PRKCD: variants seen among roughly 807,000 people sequenced by gnomAD.
The protein encoded by PRKCD is protein kinase C delta type.
Under a neutral mutation model 82.2 loss-of-function variants are expected in PRKCD, and 20 were observed. The observed-to-expected ratio is 0.24, with a 90% CI of 0.17 to 0.35. The LOEUF is 0.35. Among genes scored for constraint, PRKCD ranks in the 10% least tolerant of loss-of-function variants. The probability of loss-of-function intolerance (pLI) is 1.00; values close to 1 mark genes in which losing one functional copy is unlikely to be tolerated. For missense variants in PRKCD, 607 were observed against 899.0 expected (o/e 0.68, Z 4.15); for synonymous variants, 317 against 337.0 (o/e 0.94, Z 0.65).
intron 7 of PRKCD, among the ~76,000 whole-genome samples, chr3:53,182,894 G>A (rs958790101): frequency 6.6e-6 from 1 of 152,190 alleles, no homozygotes; most frequent in Non-Finnish European, 1.5e-5. Context: ...TTCTTTCTAA[G>A]CCCCTGCAGA....
intron 1 of PRKCD, among the ~76,000 whole-genome samples, chr3:53,162,106 C>G: frequency 6.6e-6 from 1 of 151,998 alleles, no homozygotes; most frequent in Non-Finnish European, 1.5e-5. Flanking sequence ...TCATCCGTCT[C>G]TGGGCTGGGC....
At chr3:53,178,006 T>TGC (rs760022887) in intron 2 of PRKCD, among the ~76,000 whole-genome samples, 63 of 148,784 alleles carry the variant, frequency 4.2e-4, no homozygotes, top group Non-Finnish European at 7.6e-4. Context: ...AGTGTACTGG[T>TGC]GCGATCTTGG....
chr3:53,185,369 G>C (rs541054790), intron 10 of PRKCD, among the ~76,000 whole-genome samples: 1 of 152,336 alleles, frequency 6.6e-6, no homozygotes, highest in East Asian at 1.9e-4. Flanking sequence ...GGGAAGGTAG[G>C]GTTCCGTTTA....
chr3:53,186,941 C>T (rs782786712), intron 14 of PRKCD, among the ~76,000 whole-genome samples: 4 of 152,228 alleles, frequency 2.6e-5, no homozygotes, highest in Admixed American at 6.5e-5. Context: ...CCGTGGGCCA[C>T]AGCCAGGGCA....
intron 2 of PRKCD, 94 bp from the exon 3 acceptor site, chr3:53,178,310 G>A: frequency 1.4e-6 from 1 of 718,160 alleles, no homozygotes; most frequent in South Asian, 1.7e-5. Context: ...CCCAATCATA[G>A]CAGAGCCCTG....
In PRKCD at chr3:53,179,444, G is replaced by A. The variant is rs1553666667; in HGVS notation, c.116-133G>A. The A allele has an allele frequency of 3.4e-6, 4 of 1,169,924 alleles. No homozygotes were observed. The African/African-American group carries it at 6.0e-5, about 18-fold the overall frequency. The allele number at this position is 1,169,924 out of a possible 1,614,324, so 72.5% of individuals were successfully genotyped here. On this transcript the variant is annotated intron_variant, in intron 3 of 18. Coordinates refer to ENST00000330452, the MANE Select transcript of PRKCD (RefSeq NM_006254.4). ...GCCCAAGGTAGTTCTGTGCTCTAGAGGACACTGGGGAACCACAGCAGGCCC... is the reference window on the plus strand; with the variant it reads ...GCCCAAGGTAGTTCTGTGCTCTAGAAGACACTGGGGAACCACAGCAGGCCC...
intron 4 of PRKCD, 141 bp downstream of exon 4, chr3:53,179,917 G>T (rs1378677107): frequency 2.0e-6 from 2 of 1,002,762 alleles, no homozygotes; most frequent in East Asian, 2.6e-5. Context: ...CTGGCCACCA[G>T]TCCAGCCCTG....
At chr3:53,186,094 G>A in intron 12 of PRKCD, 67 bp downstream of exon 12, 3 of 1,609,232 alleles carry the variant, frequency 1.9e-6, no homozygotes, top group Non-Finnish European at 2.5e-6. Context: ...AGGTGGCTGA[G>A]GTGGGAGTCT....
At chr3:53,191,250 C>CA (rs1285533960) in intron 18 of PRKCD, among the ~76,000 whole-genome samples, 4 of 151,724 alleles carry the variant, frequency 2.6e-5, no homozygotes, top group East Asian at 3.9e-4. Flanking sequence ...ACAAAAAATA[C>CA]AAAAAAAATT....
In PRKCD at chr3:53,192,304, C is replaced by G; in HGVS notation, c.*38C>G. The G allele has an allele frequency of 6.2e-7, 1 of 1,604,634 alleles. No individual in the cohort carries two copies. Among genetic ancestry groups the G allele is most frequent in the African/African-American group, 1.3e-5 (1 of 74,758 alleles). ...GATCAGGCTAGCCCTGCCCTCCACC[C>G]ACACCTGCCCGCTCCCCACGATAAG... On this transcript the variant is annotated 3_prime_UTR_variant, in exon 19 of 19. Coordinates refer to ENST00000330452, the MANE Select transcript of PRKCD (RefSeq NM_006254.4).
chr3:53,186,772 C>T (rs1703713124), intron 14 of PRKCD, 77 bp downstream of exon 14: 1 of 1,384,226 alleles, frequency 7.2e-7, no homozygotes, highest in African/African-American at 1.4e-5. Flanking sequence ...CCAGTCTGCC[C>T]TCCATGCCTT....
At chr3:53,188,052 G>A (rs929236438) in intron 15 of PRKCD, among the ~76,000 whole-genome samples, 1 of 152,010 alleles carries the variant, frequency 6.6e-6, no homozygotes, top group African/African-American at 2.4e-5. Context: ...GCTGGGCATG[G>A]TGGTGGATGC....
At chr3:53,181,633 G>T in intron 6 of PRKCD, 27 bp downstream of exon 6, 1 of 1,613,862 alleles carries the variant, frequency 6.2e-7, no homozygotes, top group South Asian at 1.1e-5. Flanking sequence ...CCCACTGGTG[G>T]TGGTGCAGGG....
At chr3:53,181,873 T>C (rs1339335870) in intron 7 of PRKCD, 141 bp downstream of exon 7, 2 of 1,252,444 alleles carry the variant, frequency 1.6e-6, no homozygotes, top group East Asian at 5.0e-5. Context: ...AGCAGCTGAG[T>C]TCAGTGAGTG....
In PRKCD at chr3:53,192,104, G is replaced by C; in HGVS notation, c.1873-4G>C. The C allele has an allele frequency of 6.2e-7, 1 of 1,613,500 alleles. No individual in the cohort carries two copies. The highest frequency in any genetic ancestry group is 8.5e-7 in the Non-Finnish European group (1 of 1,179,732). Reference sequence around the variant, plus strand: ...GTTCGCTCACCCCTGCCCTCTGCTTGTAGAAGTCACCCAGAGACTACAGTA... The same window carrying C: ...GTTCGCTCACCCCTGCCCTCTGCTTCTAGAAGTCACCCAGAGACTACAGTA... On this transcript the variant is annotated splice_polypyrimidine_tract_variant and splice_region_variant and intron_variant, in intron 18 of 18. Transcript: ENST00000330452.
chr3:53,175,280 T>A (rs1043923421), intron 2 of PRKCD, among the ~76,000 whole-genome samples: 9 of 152,132 alleles, frequency 5.9e-5, no homozygotes, highest in Non-Finnish European at 2.9e-5. Context: ...GCGGAATGGA[T>A]GCGGTGGGGG....
Position 53,178,486 on chromosome 3 carries a change from G to T in PRKCD, c.64G>T (p.Glu22Ter). 1 of 1,613,208 alleles carries T rather than the reference G, an allele frequency of 6.2e-7. No individual in the cohort carries two copies. Among genetic ancestry groups the T allele is most frequent in the Non-Finnish European group, 8.5e-7 (1 of 1,179,926 alleles). The stretch of plus-strand genomic sequence containing the variant: ...GCTGGGCTCCCTGCAGGCCGAGGAC[G>T]AGGCGAACCAGCCCTTCTGTGCCGT... ...YELGSLQAEDEANQPFCAVKM... is the reference protein window; with the variant it reads ...YELGSLQAED The change falls in exon 3 of 19, where the codon GAG (glutamate) becomes TAG (stop). Residue 22 changes from glutamate (E) to a stop codon, truncating the protein, a stop_gained. Transcript: ENST00000330452. LOFTEE classifies it high-confidence loss of function.
At chr3:53,192,069 C>T in intron 18 of PRKCD, 39 bp from the exon 19 acceptor site, 1 of 1,611,478 alleles carries the variant, frequency 6.2e-7, no homozygotes, top group Non-Finnish European at 8.5e-7. Flanking sequence ...AGGGCCATTC[C>T]CTAGGTCCTG....
intron 18 of PRKCD, among the ~76,000 whole-genome samples, chr3:53,191,903 G>C (rs567614548): frequency 2.6e-5 from 4 of 152,330 alleles, no homozygotes; most frequent in African/African-American, 9.6e-5. Flanking sequence ...CAGGCCCAGA[G>C]CTCCCTGGTC....
Sources: allele counts gnomAD v4.1 joint callset (sites outside exome capture counted in the v4.1 genomes callset), GRCh38; gene constraint gnomAD v4.1.1; transcripts MANE v1.5; gene names NCBI Gene and HGNC (gene_info 2026-07-23, HGNC 2026-07-21).